TRPC7: variants seen among roughly 807,000 people sequenced by gnomAD.
TRPC7 encodes short transient receptor potential channel 7.
A neutral mutation model predicts 90.1 loss-of-function variants in TRPC7; 42 were observed. The observed-to-expected ratio is 0.47, with a 90% CI of 0.36 to 0.60. The LOEUF (loss-of-function observed/expected upper bound fraction) is 0.60. TRPC7 is among the 20% of genes least tolerant of loss of function. The pLI is 0.00. For missense variants in TRPC7, 955 were observed against 1,112.3 expected, an observed-to-expected ratio of 0.86 and a Z score of 2.01; for synonymous variants, 451 against 436.3, an observed-to-expected ratio of 1.03 and a Z score of -0.42.
In TRPC7 at chr5:136,234,407, T is replaced by C. The variant is rs563266491; in HGVS notation, c.1845-2858A>G. ...TCACGGCAACCTCCGCGTCCTGGGT[T>C]TAAGTGATTCTCCTGCCTCAGCCTT... On this transcript the variant is annotated intron_variant, in intron 7 of 11. Transcript: ENST00000513104. Among the ~76,000 whole-genome samples the C allele has an allele frequency of 3.2e-4, 48 of 152,168 alleles. No individual in the cohort carries two copies. In the East Asian group the frequency reaches 9.3e-3, roughly 29 times the overall value.
At chr5:136,319,191 A>G (rs966547767) in intron 2 of TRPC7, among the ~76,000 whole-genome samples, 1 of 151,912 alleles carries the variant, frequency 6.6e-6, no homozygotes, top group Non-Finnish European at 1.5e-5. Context: ...TGAGGACCTT[A>G]TTTCCTATTT....
At chr5:136,352,265 A>T (rs951743690) in intron 2 of TRPC7, among the ~76,000 whole-genome samples, 5 of 152,136 alleles carry the variant, frequency 3.3e-5, no homozygotes, top group African/African-American at 9.7e-5. Context: ...TTCCCTTGTC[A>T]TCCTTTCTTT....
chr5:136,283,241 C>T (rs1757600917), intron 3 of TRPC7, among the ~76,000 whole-genome samples: 1 of 152,210 alleles, frequency 6.6e-6, no homozygotes, highest in Non-Finnish European at 1.5e-5. Flanking sequence ...TTGATGCCTC[C>T]TTGGTGTGTG....
intron 10 of TRPC7, among the ~76,000 whole-genome samples, chr5:136,219,586 C>A (rs1289634121): frequency 6.6e-6 from 1 of 152,024 alleles, no homozygotes; most frequent in Non-Finnish European, 1.5e-5. Context: ...GGTAATATGG[C>A]GAAACCCCAT....
rs1306370645 is a variant in TRPC7 at position 136,356,794 on chromosome 5, G to T, written c.594C>A (p.Cys198Ter). The T allele has an allele frequency of 6.2e-7, 1 of 1,612,542 alleles. No homozygotes were observed. The highest frequency in any genetic ancestry group is 8.5e-7 in the Non-Finnish European group (1 of 1,179,098). ...ARIERPHDYF[C>*]KCNECTEKQR... is the part of the protein sequence containing the mutation. ...GTTTCTCGGTGCACTCATTGCACTT[G>T]CAGAAGTAGTCGTGGGGCCGCTCGA... The change falls in exon 2 of 12, where the codon TGC (cysteine) becomes TGA (stop). Residue 198 changes from cysteine to a stop codon, truncating the protein, a stop_gained. Transcript: ENST00000513104. LOFTEE classifies it high-confidence loss of function.
At chr5:136,336,726 T>C (rs1272209617) in intron 2 of TRPC7, among the ~76,000 whole-genome samples, 1 of 152,106 alleles carries the variant, frequency 6.6e-6, no homozygotes, top group Non-Finnish European at 1.5e-5. Context: ...GTGTTCTCGT[T>C]GTTCAATTCC....
At chr5:136,255,680 A>G (rs1340516815) in intron 5 of TRPC7, among the ~76,000 whole-genome samples, 2 of 152,204 alleles carry the variant, frequency 1.3e-5, no homozygotes, top group Admixed American at 1.3e-4. Context: ...GTAACTATTC[A>G]GTTTCAATTT....
chr5:136,313,507 T>TC (rs1196931664), intron 3 of TRPC7, among the ~76,000 whole-genome samples: 1 of 152,336 alleles, frequency 6.6e-6, no homozygotes, highest in African/African-American at 2.4e-5. Context: ...TAGATTGTGC[T>TC]CATGCAAGTA....
chr5:136,320,780 C>A (rs1380999171), intron 2 of TRPC7, among the ~76,000 whole-genome samples: 1 of 152,166 alleles, frequency 6.6e-6, no homozygotes, highest in Non-Finnish European at 1.5e-5. Flanking sequence ...TGCTTGGACT[C>A]CTCTTTCTCC....
intron 2 of TRPC7, among the ~76,000 whole-genome samples, chr5:136,317,222 T>C (rs1759052221): frequency 6.6e-6 from 1 of 152,176 alleles, no homozygotes; most frequent in South Asian, 2.1e-4. Flanking sequence ...TTCTAGGTTT[T>C]GGTATCTAGC....
At chr5:136,293,864 G>A (rs1426535031) in intron 3 of TRPC7, among the ~76,000 whole-genome samples, 6 of 152,176 alleles carry the variant, frequency 3.9e-5, no homozygotes, top group African/African-American at 1.2e-4. Context: ...CAAAGCTGGA[G>A]GCATCACGCT....
At chr5:136,346,662 C>T (rs938789366) in intron 2 of TRPC7, among the ~76,000 whole-genome samples, 2 of 152,242 alleles carry the variant, frequency 1.3e-5, no homozygotes, top group East Asian at 1.9e-4. Context: ...CGGTTTTCTC[C>T]GGACTGACCT....
intron 3 of TRPC7, among the ~76,000 whole-genome samples, chr5:136,300,417 G>A (rs887902678): frequency 6.6e-6 from 1 of 152,172 alleles, no homozygotes; most frequent in East Asian, 1.9e-4. Context: ...GGAGGCAAAG[G>A]CCCCACTGTT....
intron 5 of TRPC7, among the ~76,000 whole-genome samples, chr5:136,253,794 T>C (rs1437323066): frequency 1.3e-5 from 2 of 152,214 alleles, no homozygotes; most frequent in Non-Finnish European, 2.9e-5. Context: ...AAGAGTTGCA[T>C]TGCATTTCTC....
intron 2 of TRPC7, among the ~76,000 whole-genome samples, chr5:136,323,415 C>G (rs543384423): frequency 4.6e-5 from 7 of 152,140 alleles, no homozygotes; most frequent in Non-Finnish European, 1.0e-4. Flanking sequence ...TTTCTTAATG[C>G]AAGGTCATAA....
At chr5:136,337,887 A>G (rs943202138) in intron 2 of TRPC7, among the ~76,000 whole-genome samples, 4 of 152,168 alleles carry the variant, frequency 2.6e-5, no homozygotes, top group Non-Finnish European at 5.9e-5. Context: ...AGAAGCTGGG[A>G]GAGCTATTAA....
chr5:136,350,707 C>T lies in TRPC7; in HGVS notation c.780+5901G>A, dbSNP rs140595794. ...TCAGGTATGGGGTCCTGTGTCCAGA[C>T]CCTAGTGTGGCCCTGAGGAAAGGCA... On this transcript the variant is annotated intron_variant, in intron 2 of 11. Transcript: ENST00000513104. Among the ~76,000 whole-genome samples, 96 of 152,300 alleles carry T rather than the reference C, an allele frequency of 6.3e-4. 1 individual carries two copies. The highest frequency in any genetic ancestry group is 1.8e-3 in the Admixed American group (27 of 15,294).
At chr5:136,299,124 A>T (rs1166454736) in intron 3 of TRPC7, among the ~76,000 whole-genome samples, 1 of 151,988 alleles carries the variant, frequency 6.6e-6, no homozygotes, top group Non-Finnish European at 1.5e-5. Context: ...CAACGTGGAG[A>T]AACCCCGTCT....
intron 1 of TRPC7, among the ~76,000 whole-genome samples, chr5:136,360,669 C>T (rs62387384): frequency 0.014 from 2,106 of 152,256 alleles, 24 homozygotes; most frequent in Non-Finnish European, 0.021. Flanking sequence ...TGTTCCTTTC[C>T]TAGCAGAATT....
Sources: allele counts gnomAD v4.1 joint callset (sites outside exome capture counted in the v4.1 genomes callset), GRCh38; gene constraint gnomAD v4.1.1; transcripts MANE v1.5; gene names NCBI Gene and HGNC (gene_info 2026-07-23, HGNC 2026-07-21).